The following NANOGNB variants were observed in gnomAD, a reference collection of about 807,000 sequenced individuals.
The protein encoded by NANOGNB is NANOG neighbor homeobox, also known as homeobox C14.
A neutral mutation model predicts 25.0 loss-of-function variants in NANOGNB; 30 were observed. The ratio of observed to expected loss-of-function variants is 1.20; its 90% CI spans 0.90 to 1.63. NANOGNB has a LOEUF of 1.63. NANOGNB is among the 40% of genes most tolerant of loss of function. The pLI, the probability that NANOGNB is intolerant of heterozygous loss-of-function variation, is 0.00. For synonymous variants in NANOGNB, 84 were observed against 62.1 expected (o/e 1.35, Z -1.66); for missense variants, 200 against 188.1 (o/e 1.06, Z -0.37).
Position 7,773,419 on chromosome 12 carries a change from C to T in NANOGNB, c.516-381C>T, listed in dbSNP as rs746925537. Among the ~76,000 whole-genome samples the T allele has an allele frequency of 9.9e-5, 15 of 151,450 alleles. 1 individual carries two copies. The highest frequency in any genetic ancestry group is 5.9e-4 in the Admixed American group (9 of 15,128). ...ATGTGTATATTAAATATATAGACAG[C>T]GGCTGGGTGCGTGGCTCATGCCTGT... On this transcript the variant is annotated intron_variant, in intron 3 of 3. Transcript: ENST00000382119.
chr12:7,772,868 G>A (rs943201715), intron 3 of NANOGNB, among the ~76,000 whole-genome samples: 25 of 152,014 alleles, frequency 1.6e-4, no homozygotes, highest in South Asian at 8.3e-4. Flanking sequence ...ATGAGCCACT[G>A]CACCCATCTG....
At chr12:7,767,338 A>G (rs1865254549) in intron 1 of NANOGNB, among the ~76,000 whole-genome samples, 1 of 151,890 alleles carries the variant, frequency 6.6e-6, no homozygotes, top group African/African-American at 2.4e-5. Context: ...AAAGAAATTG[A>G]GAAGAGGAGT....
intron 3 of NANOGNB, among the ~76,000 whole-genome samples, chr12:7,772,845 T>G (rs1209064764): frequency 6.6e-6 from 1 of 152,110 alleles, no homozygotes; most frequent in Non-Finnish European, 1.5e-5. Context: ...CCCAGAGTGC[T>G]GGGATTACAG....
At chr12:7,767,622 C>T (rs1213709760) in intron 1 of NANOGNB, among the ~76,000 whole-genome samples, 2 of 152,070 alleles carry the variant, frequency 1.3e-5, no homozygotes, top group East Asian at 3.8e-4. Context: ...TTTATCCCAC[C>T]CTCATCTCTG....
intron 1 of NANOGNB, among the ~76,000 whole-genome samples, chr12:7,767,703 C>T (rs1180911927): frequency 6.6e-6 from 1 of 151,678 alleles, no homozygotes; most frequent in Non-Finnish European, 1.5e-5. Context: ...CAGAATCATA[C>T]AATATATGAC....
rs1200856657 is a variant in NANOGNB, at chr12:7,765,279, C to T, written c.-7C>T. On this transcript the variant is annotated 5_prime_UTR_variant, in exon 1 of 4. Transcript: ENST00000382119. ...ACCAAGGACTAATTGGTCTTTAAAA[C>T]TCCTCAATGCACCGGGCGCGGTGGC... 7.8e-6 allele frequency: 10 copies of T among 1,286,282 alleles called. No individual in the cohort carries two copies. The highest frequency in any genetic ancestry group is 2.5e-5 in the South Asian group (2 of 80,926). The allele number at this position is 1,286,282 out of a possible 1,614,324, so 79.7% of individuals were successfully genotyped here.
chr12:7,773,115 T>G (rs1304102599), intron 3 of NANOGNB, among the ~76,000 whole-genome samples: 3 of 129,100 alleles, frequency 2.3e-5, no homozygotes, highest in African/African-American at 8.3e-5. Context: ...AATCCAACTG[T>G]GATAGTTTTT....
At chr12:7,767,723 T>G (rs1265524452) in intron 1 of NANOGNB, among the ~76,000 whole-genome samples, 1 of 152,090 alleles carries the variant, frequency 6.6e-6, no homozygotes, top group African/African-American at 2.4e-5. Context: ...CTTTTTGTAT[T>G]TCAACTTTCA....
intron 1 of NANOGNB, among the ~76,000 whole-genome samples, chr12:7,769,244 C>T (rs975497228): frequency 2.0e-5 from 3 of 152,088 alleles, no homozygotes; most frequent in Non-Finnish European, 4.4e-5. Context: ...ACTGCAACCT[C>T]CACCCACCGG....
At chr12:7,766,143 G>C (rs146697207) in intron 1 of NANOGNB, 2 of 398,492 alleles carry the variant, frequency 5.0e-6, no homozygotes, top group African/African-American at 2.1e-5. Context: ...GAGAGATCCC[G>C]ATACTTCAGA....
intron 1 of NANOGNB, among the ~76,000 whole-genome samples, chr12:7,766,595 C>T (rs897757223): frequency 5.9e-5 from 9 of 152,202 alleles, no homozygotes; most frequent in African/African-American, 2.2e-4. Context: ...GTTTTTGTTT[C>T]TTGAGTCACA....
intron 1 of NANOGNB, among the ~76,000 whole-genome samples, chr12:7,769,647 C>A (rs1865274489): frequency 6.6e-6 from 1 of 152,012 alleles, no homozygotes; most frequent in Admixed American, 6.6e-5. Flanking sequence ...CTGCCTCAGC[C>A]TCCCGAGTAG....
intron 1 of NANOGNB, 131 bp from the exon 2 acceptor site, chr12:7,769,852 G>A: frequency 4.0e-6 from 3 of 758,518 alleles, no homozygotes; most frequent in Non-Finnish European, 6.3e-6. Flanking sequence ...TTTGCTCTAT[G>A]TTTTCCACCA....
rs1336880724 is a variant in NANOGNB, at chr12:7,770,473, A to G, written c.470A>G (p.Tyr157Cys). 1.2e-5 allele frequency: 19 copies of G among 1,532,286 alleles called. No homozygotes were observed. Among genetic ancestry groups the G allele is most frequent in the Non-Finnish European group, 1.7e-5 (19 of 1,131,400 alleles). 94.9% of individuals were successfully genotyped at this position (1,532,286 alleles called of 1,614,324 possible). ...TGGTTTTGTAAAACGAGGAAGAAAT[A>G]TAATAAAGAAATGTCCAAGAGAAAG... The part of the protein sequence containing the change: ...SQWFCKTRKK[Y>C]NKEMSKRKHK... Residue 157 changes from tyrosine to cysteine, a missense_variant, in exon 3 of 4, where the codon TAT (tyrosine) becomes TGT (cysteine). By Grantham distance (194) the Tyr-to-Cys change is radical (BLOSUM62 -2). Coordinates refer to ENST00000382119, the MANE Select transcript of NANOGNB (RefSeq NM_001145465.1).
At chr12:7,771,678 T>A (rs976226370) in intron 3 of NANOGNB, among the ~76,000 whole-genome samples, 4 of 152,038 alleles carry the variant, frequency 2.6e-5, no homozygotes, top group Non-Finnish European at 5.9e-5. Context: ...TGGAGTGCAA[T>A]GGCGTGATCT....
At chr12:7,768,811 C>T (rs766341650) in intron 1 of NANOGNB, among the ~76,000 whole-genome samples, 232 of 152,172 alleles carry the variant, frequency 1.5e-3, no homozygotes, top group African/African-American at 5.3e-3. Flanking sequence ...GGATTACAGG[C>T]GTGAGCCACC....
At chr12:7,773,219 G>C (rs1417869036) in intron 3 of NANOGNB, among the ~76,000 whole-genome samples, 2 of 150,400 alleles carry the variant, frequency 1.3e-5, no homozygotes, top group African/African-American at 4.9e-5. Context: ...AGCCTCCCGA[G>C]TAGCTGGGAT....
intron 1 of NANOGNB, 83 bp downstream of exon 1, chr12:7,765,470 T>G (rs1865237300): frequency 3.8e-6 from 1 of 266,014 alleles, no homozygotes; most frequent in Admixed American, 5.3e-5. Context: ...CTCTGGAGGC[T>G]GAGGCGGGAG....
chr12:7,769,954 G>C, intron 1 of NANOGNB, 29 bp from the exon 2 acceptor site: 1 of 1,458,876 alleles, frequency 6.9e-7, no homozygotes, highest in East Asian at 2.5e-5. Flanking sequence ...GCTGCAGCTT[G>C]ATTTTATTCC....
Sources: allele counts gnomAD v4.1 joint callset (sites outside exome capture counted in the v4.1 genomes callset), GRCh38; gene constraint gnomAD v4.1.1; transcripts MANE v1.5; gene names NCBI Gene and HGNC (gene_info 2026-07-23, HGNC 2026-07-21).